Variants in NLGN1 observed in about 807,000 individuals in gnomAD.
NLGN1 encodes neuroligin 1, also known as neuroligin-1.
A neutral mutation model predicts 65.5 loss-of-function variants in NLGN1; 12 were observed. The ratio of observed to expected loss-of-function variants is 0.18; its 90% CI spans 0.12 to 0.30. NLGN1 has a LOEUF of 0.30. Among genes scored for constraint, NLGN1 ranks in the 10% least tolerant of loss-of-function variants. The pLI, the probability that NLGN1 is intolerant of heterozygous loss-of-function variation, is 1.00. For synonymous variants in NLGN1, 350 were observed against 359.5 expected, an observed-to-expected ratio of 0.97 and a Z score of 0.30; for missense variants, 750 against 1,007.1, an observed-to-expected ratio of 0.74 and a Z score of 3.46.
chr3:173,420,703 G>A (rs898236324), intron 1 of NLGN1, among the ~76,000 whole-genome samples: 6 of 152,120 alleles, frequency 3.9e-5, no homozygotes, highest in African/African-American at 1.4e-4. Flanking sequence ...CAACAGTGTA[G>A]TGTTACTATA....
chr3:174,063,217 G>A (rs1162002209), intron 4 of NLGN1, among the ~76,000 whole-genome samples: 2 of 152,126 alleles, frequency 1.3e-5, no homozygotes, highest in African/African-American at 4.8e-5. Context: ...AATGTTGAAA[G>A]ACTGTGAAAA....
At chr3:174,188,565 G>A (rs1046757856) in intron 4 of NLGN1, among the ~76,000 whole-genome samples, 6 of 151,960 alleles carry the variant, frequency 3.9e-5, no homozygotes, top group Non-Finnish European at 8.8e-5. Flanking sequence ...AGATCATAAA[G>A]CAAAGAAATA....
At chr3:173,837,334 A>G (rs1723828439) in intron 4 of NLGN1, among the ~76,000 whole-genome samples, 1 of 152,174 alleles carries the variant, frequency 6.6e-6, no homozygotes, top group Non-Finnish European at 1.5e-5. Context: ...TAACATTTTC[A>G]TTAATTTAAA....
At chr3:173,575,400 T>C (rs1443942986) in intron 2 of NLGN1, among the ~76,000 whole-genome samples, 1 of 152,054 alleles carries the variant, frequency 6.6e-6, no homozygotes, top group Non-Finnish European at 1.5e-5. Context: ...CCAAGAACAC[T>C]TCTTCACGTA....
intron 4 of NLGN1, among the ~76,000 whole-genome samples, chr3:174,014,141 A>G (rs1018631098): frequency 1.3e-5 from 2 of 152,200 alleles, no homozygotes; most frequent in African/African-American, 4.8e-5. Flanking sequence ...ACAAGTTAAC[A>G]GAGGTTCTCA....
At chr3:173,529,386 G>C (rs975162513) in intron 2 of NLGN1, among the ~76,000 whole-genome samples, 1 of 152,162 alleles carries the variant, frequency 6.6e-6, no homozygotes, top group African/African-American at 2.4e-5. Flanking sequence ...CGGGGTGAAG[G>C]GGGGACAAAG....
chr3:173,510,603 T>A (rs1009636673), intron 2 of NLGN1, among the ~76,000 whole-genome samples: 1 of 152,220 alleles, frequency 6.6e-6, no homozygotes, highest in Admixed American at 6.5e-5. Flanking sequence ...TGGGCCTAGT[T>A]CTTGCAAGAA....
rs577169848 is a variant in NLGN1, at chr3:174,281,466, A to G, written c.*163A>G. 67 of 547,424 alleles carry G rather than the reference A, an allele frequency of 1.2e-4. 4 individuals carry two copies. The South Asian group carries it at 2.1e-3, about 17-fold the overall frequency. The allele number at this position is 547,424 out of a possible 1,614,324, so 33.9% of individuals were successfully genotyped here. Reference sequence around the variant, plus strand: ...GGGTTTTGAAAAAAATGAATTGTATATATACAAATCAACTTTAAAAACAAA... The same window carrying G: ...GGGTTTTGAAAAAAATGAATTGTATGTATACAAATCAACTTTAAAAACAAA... On this transcript the variant is annotated 3_prime_UTR_variant, in exon 7 of 7. Transcript: ENST00000457714.
intron 2 of NLGN1, among the ~76,000 whole-genome samples, chr3:173,510,324 A>G (rs1406710969): frequency 2.6e-5 from 4 of 152,192 alleles, no homozygotes; most frequent in Non-Finnish European, 4.4e-5. Flanking sequence ...AGTCTCCATT[A>G]GGCTCAGCAG....
intron 4 of NLGN1, among the ~76,000 whole-genome samples, chr3:173,963,804 C>T (rs1714170632): frequency 6.6e-6 from 1 of 152,098 alleles, no homozygotes; most frequent in Non-Finnish European, 1.5e-5. Context: ...GCTACAGACA[C>T]CCATTCCTGG....
chr3:173,837,444 G>A (rs893961432), intron 4 of NLGN1, among the ~76,000 whole-genome samples: 1 of 152,072 alleles, frequency 6.6e-6, no homozygotes, highest in Non-Finnish European at 1.5e-5. Flanking sequence ...TCTTTATGAG[G>A]CAATCTGAAT....
chr3:174,107,248 A>G (rs1714144207), intron 4 of NLGN1, among the ~76,000 whole-genome samples: 3 of 152,102 alleles, frequency 2.0e-5, no homozygotes, highest in South Asian at 4.1e-4. Flanking sequence ...AGGATCTCTC[A>G]TGTTGCCCTT....
intron 4 of NLGN1, among the ~76,000 whole-genome samples, chr3:173,915,744 G>A (rs1269689564): frequency 6.6e-6 from 1 of 152,078 alleles, no homozygotes; most frequent in Non-Finnish European, 1.5e-5. Context: ...TTCTTGTCAT[G>A]GGCTAGTCCC....
intron 4 of NLGN1, among the ~76,000 whole-genome samples, chr3:174,194,845 A>G (rs1561262354): frequency 1.4e-5 from 2 of 140,600 alleles, no homozygotes; most frequent in Non-Finnish European, 1.5e-5. Context: ...ACCATTCAAG[A>G]TTTTTTTTTC....
At chr3:173,697,936 AT>A (rs199832238) in intron 3 of NLGN1, among the ~76,000 whole-genome samples, 39 of 152,002 alleles carry the variant, frequency 2.6e-4, no homozygotes, top group African/African-American at 9.2e-4. Flanking sequence ...TAATACATTA[AT>A]TTTTTTAGAT....
chr3:174,164,964 A>T (rs1423403495), intron 4 of NLGN1, among the ~76,000 whole-genome samples: 1 of 151,892 alleles, frequency 6.6e-6, no homozygotes, highest in Non-Finnish European at 1.5e-5. Flanking sequence ...ATGAGCATAG[A>T]ATGTTTTTGC....
chr3:173,606,047 G>T (rs908610030), intron 3 of NLGN1, among the ~76,000 whole-genome samples: 2 of 151,848 alleles, frequency 1.3e-5, no homozygotes, highest in Non-Finnish European at 2.9e-5. Flanking sequence ...ACACTCTATG[G>T]ACTTTCTCAT....
chr3:173,617,661 G>T (rs557422910), intron 3 of NLGN1, among the ~76,000 whole-genome samples: 51 of 152,244 alleles, frequency 3.3e-4, no homozygotes, highest in African/African-American at 1.1e-3. Flanking sequence ...ACTCTGTCAC[G>T]GGCCCTCGAG....
intron 3 of NLGN1, among the ~76,000 whole-genome samples, chr3:173,617,292 T>G (rs1753258880): frequency 6.6e-6 from 1 of 152,206 alleles, no homozygotes; most frequent in Admixed American, 6.5e-5. Context: ...TTTGTTCATT[T>G]ATGTGCTGAT....
Sources: gnomAD v4.1 joint callset for allele counts (sites outside exome capture counted in the v4.1 genomes callset) on GRCh38, gnomAD v4.1.1 for gene constraint, MANE v1.5 for transcripts, NCBI Gene and HGNC (gene_info 2026-07-23, HGNC 2026-07-21) for gene names.